The following SCAMP4 variants were observed in gnomAD, a reference collection of about 807,000 sequenced individuals.
SCAMP4 encodes secretory carrier-associated membrane protein 4.
Under a neutral mutation model 32.1 loss-of-function variants are expected in SCAMP4, and 19 were observed. The observed-to-expected ratio is 0.59, with a 90% CI of 0.41 to 0.87. The LOEUF (loss-of-function observed/expected upper bound fraction) is 0.87, where lower values mean the gene tolerates loss of function less well. SCAMP4 is among the 40% of genes least tolerant of loss of function. The pLI is 0.00. For synonymous variants in SCAMP4, 152 were observed against 132.7 expected, an observed-to-expected ratio of 1.15 and a Z score of -1.00; for missense variants, 302 against 309.0, an observed-to-expected ratio of 0.98 and a Z score of 0.17.
intron 4 of SCAMP4, 33 bp from the exon 5 acceptor site, chr19:1,918,856 G>T: frequency 5.1e-6 from 8 of 1,578,078 alleles, no homozygotes; most frequent in Non-Finnish European, 6.9e-6. Context: ...AGCCAGGGCT[G>T]TGGTAACCGT....
chr19:1,922,391 T>A (rs753802912), intron 5 of SCAMP4: 38 of 689,576 alleles, frequency 5.5e-5, no homozygotes, highest in Non-Finnish European at 6.6e-5. Context: ...TGCGCCCTCA[T>A]GCCTGGCTAA....
intron 1 of SCAMP4, among the ~76,000 whole-genome samples, chr19:1,911,552 G>A (rs1000665052): frequency 1.3e-5 from 2 of 152,190 alleles, no homozygotes; most frequent in African/African-American, 2.4e-5. Flanking sequence ...AGGTTGAAGC[G>A]GGTGGATCAC....
rs374680019 is a variant in SCAMP4 at position 1,918,986 on chromosome 19, G to C, written c.391G>C (p.Ala131Pro). 1 of 1,605,022 alleles carries C rather than the reference G, an allele frequency of 6.2e-7. No individual in the cohort carries two copies. The highest frequency in any genetic ancestry group is 8.5e-7 in the Non-Finnish European group (1 of 1,175,844). The part of the protein sequence containing the change: ...IQAIGFSGWG[A>P]CGWLSAIGFF... ...GGCGATTGGCTTCTCCGGCTGGGGC[G>C]CGTGGTAAGCCTCTCTCTGATGGGC... is the stretch of plus-strand genomic sequence containing the variant. The change falls in exon 5 of 7, where the codon GCG becomes CCG. Residue 131 changes from alanine (A) to proline (P), a missense_variant. Transcript: ENST00000316097.
At chr19:1,910,403 G>A (rs2013380428) in intron 1 of SCAMP4, among the ~76,000 whole-genome samples, 1 of 152,198 alleles carries the variant, frequency 6.6e-6, no homozygotes, top group Admixed American at 6.6e-5. Context: ...GAGATGCAGA[G>A]ATCACATCAG....
chr19:1,924,029 G>A (rs2014014941), intron 6 of SCAMP4, 79 bp from the exon 7 acceptor site: 1 of 1,192,026 alleles, frequency 8.4e-7, no homozygotes, highest in Non-Finnish European at 1.2e-6. Context: ...CGAAGTGCTG[G>A]GATGACAGGC....
rs2014023933 is a variant in SCAMP4 at position 1,924,163 on chromosome 19, G to A, written c.569G>A (p.Trp190Ter). ...AGCTTCCAGAAGGCACAGACGGAGT[G>A]GAACACGGGCACTTGGCGGAACCCA... is the stretch of plus-strand genomic sequence containing the variant. ...GGSFQKAQTE[W>*]NTGTWRNPPS... is the part of the protein sequence containing the mutation. The change falls in exon 7 of 7, where the codon TGG (tryptophan) becomes TAG (stop). Residue 190 changes from tryptophan (W) to a stop codon, truncating the protein, a stop_gained. Transcript: ENST00000316097. LOFTEE classifies it high-confidence loss of function. 1 of 1,612,160 alleles carries A rather than the reference G, an allele frequency of 6.2e-7. No homozygotes were observed. Among genetic ancestry groups the A allele is most frequent in the African/African-American group, 1.3e-5 (1 of 75,032 alleles).
chr19:1,913,035 G>T lies in SCAMP4; in HGVS notation c.-41-1944G>T, dbSNP rs202206209. 5 of 1,604,210 alleles carry T rather than the reference G, an allele frequency of 3.1e-6. No individual in the cohort carries two copies. Among genetic ancestry groups the T allele is most frequent in the African/African-American group, 2.7e-5 (2 of 75,024 alleles). ...CGTCTTCTACGGTGCGCCCTCGCCC[G>T]ACGGCGCCCTGGGCACCCGCTTCCG... On this transcript the variant is annotated intron_variant, in intron 1 of 6. Coordinates refer to ENST00000316097, the MANE Select transcript of SCAMP4 (RefSeq NM_079834.4).
intron 5 of SCAMP4, 79 bp from the exon 6 acceptor site, chr19:1,922,991 T>C: frequency 7.0e-7 from 1 of 1,431,374 alleles, no homozygotes; most frequent in Non-Finnish European, 9.2e-7. Context: ...GCTCTTTACA[T>C]GGGGAGGACC....
intron 1 of SCAMP4, chr19:1,913,186 C>G (rs750102216): frequency 3.0e-5 from 44 of 1,476,014 alleles, no homozygotes; most frequent in African/African-American, 4.2e-5. Flanking sequence ...CTTCCCGCTC[C>G]CGGCCGTGGG....
chr19:1,905,962 G>C (rs981810187), intron 1 of SCAMP4: 1 of 152,180 alleles, frequency 6.6e-6, no homozygotes, highest in African/African-American at 2.4e-5. Flanking sequence ...TTGTATCACA[G>C]GCCCCCAGTT....
chr19:1,910,399 C>G (rs538834955), intron 1 of SCAMP4, among the ~76,000 whole-genome samples: 1 of 152,308 alleles, frequency 6.6e-6, no homozygotes, highest in African/African-American at 2.4e-5. Context: ...TCTGGAGATG[C>G]AGAGATCACA....
At chr19:1,918,095 C>T in intron 3 of SCAMP4, 32 bp from the exon 4 acceptor site, 2 of 1,587,976 alleles carry the variant, frequency 1.3e-6, no homozygotes, top group African/African-American at 2.7e-5. Flanking sequence ...CCCTCCCGTG[C>T]CTGCTCATCC....
intron 2 of SCAMP4, 132 bp downstream of exon 2, chr19:1,915,158 G>T: frequency 9.4e-7 from 1 of 1,068,646 alleles, no homozygotes; most frequent in Non-Finnish European, 1.4e-6. Flanking sequence ...TGACTCCTCG[G>T]GTCCCGTAGC....
At position 1,924,381 on chromosome 19, in the gene SCAMP4, C is replaced by A. The variant is rs2014033916; in HGVS notation, c.*97C>A. On this transcript the variant is annotated 3_prime_UTR_variant, in exon 7 of 7. Coordinates refer to ENST00000316097, the MANE Select transcript of SCAMP4 (RefSeq NM_079834.4). ...GGCTGGGAGTACCTGGGGCCCCATCCCCCCAGCTGGGATGGTGGAAGCCGG... is the reference window on the plus strand; with the variant it reads ...GGCTGGGAGTACCTGGGGCCCCATCACCCCAGCTGGGATGGTGGAAGCCGG... 7 of 1,170,022 alleles carry A rather than the reference C, an allele frequency of 6.0e-6. No individual in the cohort carries two copies. The highest frequency in any genetic ancestry group is 7.2e-6 in the Non-Finnish European group (6 of 831,882). 72.5% of individuals were successfully genotyped at this position (1,170,022 alleles called of 1,614,324 possible).
intron 5 of SCAMP4, chr19:1,920,322 C>G: frequency 3.0e-6 from 3 of 983,630 alleles, no homozygotes; most frequent in Non-Finnish European, 2.4e-6. Context: ...GTTCCTGCCC[C>G]ACAAGACTGC....
At chr19:1,919,096 G>A in intron 5 of SCAMP4, 106 bp downstream of exon 5, 1 of 1,537,802 alleles carries the variant, frequency 6.5e-7, no homozygotes, top group South Asian at 1.2e-5. Flanking sequence ...GTCCGGGATT[G>A]TACGCGCTCT....
intron 1 of SCAMP4, among the ~76,000 whole-genome samples, chr19:1,910,060 T>C (rs571826751): frequency 1.3e-5 from 2 of 152,214 alleles, no homozygotes; most frequent in South Asian, 4.1e-4. Flanking sequence ...GCATGCTTGC[T>C]TTCTGTCACT....
rs990700189 is a variant in SCAMP4 at position 1,923,267 on chromosome 19, C to T, written c.513+80C>T. On this transcript the variant is annotated intron_variant, in intron 6 of 6. Coordinates refer to ENST00000316097, the MANE Select transcript of SCAMP4 (RefSeq NM_079834.4). ...CACCCAACTGTCCCAGGTGGGTGAA[C>T]GTCGAGGAGCCGGGCCCTCTCCCCA... is the stretch of plus-strand genomic sequence containing the variant. 154 of 1,252,008 alleles carry T rather than the reference C, an allele frequency of 1.2e-4. 1 individual carries two copies. In the Middle Eastern group the frequency reaches 1.9e-3, roughly 15 times the overall value. The allele number at this position is 1,252,008 out of a possible 1,614,324, so 77.6% of individuals were successfully genotyped here.
chr19:1,920,592 C>T (rs1224981576), intron 5 of SCAMP4: 56 of 985,012 alleles, frequency 5.7e-5, no homozygotes, highest in East Asian at 2.3e-4. Flanking sequence ...TCATAGTGAG[C>T]GTGTGCCTGG....
Sources: allele counts gnomAD v4.1 joint callset (sites outside exome capture counted in the v4.1 genomes callset), GRCh38; gene constraint gnomAD v4.1.1; transcripts MANE v1.5; gene names NCBI Gene and HGNC (gene_info 2026-07-23, HGNC 2026-07-21).